The following ASAP2 variants were observed in gnomAD, a reference collection of about 807,000 sequenced individuals.
ASAP2 encodes the protein arf-GAP with SH3 domain, ANK repeat and PH domain-containing protein 2.
A neutral mutation model predicts 131.4 loss-of-function variants in ASAP2; 45 were observed. That is an observed-to-expected ratio of 0.34 (90% CI 0.27 to 0.44). ASAP2 has a LOEUF of 0.44. Among genes scored for constraint, ASAP2 ranks in the 20% least tolerant of loss-of-function variants. The pLI, the probability that ASAP2 is intolerant of heterozygous loss-of-function variation, is 1.00. For missense variants in ASAP2, 1,011 were observed against 1,297.0 expected (o/e 0.78, Z 3.39); for synonymous variants, 510 against 503.0 (o/e 1.01, Z -0.19).
chr2:9,388,540 G>A lies in ASAP2; in HGVS notation c.2377G>A (p.Gly793Ser). Residue 793 changes from glycine to serine, a missense_variant, in exon 22 of 28, where the codon GGC (glycine) becomes AGC (serine). This residue lies in a region of ASAP2 where 652 missense variants were observed against 698.9 expected (regional missense o/e 0.93). Coordinates refer to ENST00000281419, the MANE Select transcript of ASAP2 (RefSeq NM_003887.3). ...CCCCCCGCTTCCTCCACGGAATGTTGGCAAAGGTATGAAGCTGTCCGTCAT... is the reference window on the plus strand; with the variant it reads ...CCCCCCGCTTCCTCCACGGAATGTTAGCAAAGGTATGAAGCTGTCCGTCAT... ...SAPPLPPRNV[G>S]KVQTASSANT... 5.0e-6 allele frequency: 8 copies of A among 1,612,770 alleles called. No homozygotes were observed. Among genetic ancestry groups the A allele is most frequent in the Non-Finnish European group, 6.8e-6 (8 of 1,179,616 alleles).
chr2:9,326,635 A>G (rs1051116343), intron 6 of ASAP2, among the ~76,000 whole-genome samples: 2 of 152,206 alleles, frequency 1.3e-5, no homozygotes, highest in African/African-American at 4.8e-5. Flanking sequence ...ATATGTCCCT[A>G]TGTATACATT....
chr2:9,310,878 CTTTG>C (rs1226342568), intron 3 of ASAP2, among the ~76,000 whole-genome samples: 1 of 152,208 alleles, frequency 6.6e-6, no homozygotes, highest in Non-Finnish European at 1.5e-5. Flanking sequence ...TCTGGCCTAT[CTTTG>C]TTTGCTCATC....
intron 3 of ASAP2, among the ~76,000 whole-genome samples, chr2:9,317,455 T>G (rs895498999): frequency 5.7e-5 from 4 of 70,192 alleles, no homozygotes; most frequent in African/African-American, 2.1e-4. Context: ...CACACACACA[T>G]GTGCATTCAC....
intron 1 of ASAP2, among the ~76,000 whole-genome samples, chr2:9,237,955 A>G (rs1331934413): frequency 6.6e-6 from 1 of 152,182 alleles, no homozygotes; most frequent in East Asian, 1.9e-4. Context: ...GGTGAGTGGC[A>G]TTCTGTGTCT....
chr2:9,380,791 G>A lies in ASAP2; in HGVS notation c.1999G>A (p.Glu667Lys), dbSNP rs757615953. 5.6e-6 allele frequency: 9 copies of A among 1,614,062 alleles called. No individual in the cohort carries two copies. Among genetic ancestry groups the A allele is most frequent in the African/African-American group, 2.7e-5 (2 of 75,040 alleles). Residue 667 changes from glutamate to lysine, a missense_variant, in exon 20 of 28, where the codon GAG (glutamate) becomes AAG (lysine). This residue lies in a region of ASAP2 where 652 missense variants were observed against 698.9 expected (regional missense o/e 0.93). Coordinates refer to ENST00000281419, the MANE Select transcript of ASAP2 (RefSeq NM_003887.3). Reference protein sequence around the residue: ...PLDIAKRLKHEHCEELLTQAL... With the variant: ...PLDIAKRLKHKHCEELLTQAL... The stretch of plus-strand genomic sequence containing the variant: ...GGACATTGCCAAGCGCCTCAAGCAC[G>A]AGCACTGTGAGGAGCTGGTGAGTCT...
Position 9,232,210 on chromosome 2 carries a change from A to T in ASAP2, c.126+24980A>T, listed in dbSNP as rs1572210143. ...TTGACCTGGCCCCTGCCTCCCTCCCACCCCATCTCATCCATGCCTGTCCTC... is the reference window on the plus strand; with the variant it reads ...TTGACCTGGCCCCTGCCTCCCTCCCTCCCCATCTCATCCATGCCTGTCCTC... On this transcript the variant is annotated intron_variant, in intron 1 of 27. Coordinates refer to ENST00000281419, the MANE Select transcript of ASAP2 (RefSeq NM_003887.3). This position sits in a 1 kb window ranked among gnomAD's most constrained non-coding sequence, Gnocchi z 4.1. Among the ~76,000 whole-genome samples, 1 of 151,314 alleles carries T rather than the reference A, an allele frequency of 6.6e-6. No homozygotes were observed. The highest frequency in any genetic ancestry group is 2.1e-4 in the South Asian group (1 of 4,778).
Position 9,356,063 on chromosome 2 carries a change from C to T in ASAP2, c.1128C>T (p.His376=). 6.2e-7 allele frequency: 1 copy of T among 1,614,214 alleles called. No homozygotes were observed. Among genetic ancestry groups the T allele is most frequent in the Non-Finnish European group, 8.5e-7 (1 of 1,180,052 alleles). ...FDLISHDRTY[H]FQAEDEQECQ... ...GCTATGCAGATGACAGAACTTACCACTTTCAAGCTGAAGATGAACAGGAAT... is the reference window on the plus strand; with the variant it reads ...GCTATGCAGATGACAGAACTTACCATTTTCAAGCTGAAGATGAACAGGAAT... Residue 376 remains histidine (H), a synonymous_variant, in exon 13 of 28, where the codon CAC becomes CAT. Transcript: ENST00000281419.
chr2:9,275,216 C>T (rs1666683024), intron 1 of ASAP2, among the ~76,000 whole-genome samples: 1 of 151,972 alleles, frequency 6.6e-6, no homozygotes, highest in African/African-American at 2.4e-5. Flanking sequence ...ATTACAGGTG[C>T]ATGTTCCCAT....
chr2:9,256,374 G>A (rs1457269787), intron 1 of ASAP2, among the ~76,000 whole-genome samples: 1 of 150,598 alleles, frequency 6.6e-6, no homozygotes, highest in Non-Finnish European at 1.5e-5. Context: ...CAAAGCGGCA[G>A]TGTCAACTGT....
At chr2:9,367,027 A>ATTTTTTTTTTTTTTTTTTTTTTTTTT (rs1171661319) in intron 15 of ASAP2, among the ~76,000 whole-genome samples, 2 of 132,946 alleles carry the variant, frequency 1.5e-5, no homozygotes, top group African/African-American at 6.2e-5. Context: ...TGCCTGCATA[A>ATTTTTTTTTTTTTTTTTTTTTTTTTT]TTTTTTTTTT....
At chr2:9,328,559 A>G (rs962722088) in intron 7 of ASAP2, among the ~76,000 whole-genome samples, 2 of 152,240 alleles carry the variant, frequency 1.3e-5, no homozygotes, top group East Asian at 1.9e-4. Context: ...TGTGGAGCCA[A>G]TGACTGTGAT....
intron 3 of ASAP2, among the ~76,000 whole-genome samples, chr2:9,314,511 C>T (rs1374520011): frequency 6.6e-6 from 1 of 152,202 alleles, no homozygotes; most frequent in Non-Finnish European, 1.5e-5. Flanking sequence ...AGCCTCTATT[C>T]TAGGCCAAGC....
rs199852919 is a variant in ASAP2, at chr2:9,400,873, G to C, written c.2823+43G>C. On this transcript the variant is annotated intron_variant, in intron 26 of 27. Coordinates refer to ENST00000281419, the MANE Select transcript of ASAP2 (RefSeq NM_003887.3). ...TTTCCTGCCTCTCTGCTCTAGCCAGGGGGGTGCAGGTGGTTTCACAAGGGC... is the reference window on the plus strand; with the variant it reads ...TTTCCTGCCTCTCTGCTCTAGCCAGCGGGGTGCAGGTGGTTTCACAAGGGC... The C allele has an allele frequency of 3.9e-5, 62 of 1,579,290 alleles. No homozygotes were observed. The East Asian group carries it at 9.2e-4, about 23-fold the overall frequency.
intron 1 of ASAP2, among the ~76,000 whole-genome samples, chr2:9,262,917 T>G (rs1333316440): frequency 6.6e-6 from 1 of 152,216 alleles, no homozygotes; most frequent in Non-Finnish European, 1.5e-5. Context: ...TCCTCTCCCC[T>G]GTTTATTTGA....
intron 24 of ASAP2, among the ~76,000 whole-genome samples, chr2:9,396,099 G>C (rs1301757787): frequency 6.6e-6 from 1 of 152,060 alleles, no homozygotes; most frequent in Non-Finnish European, 1.5e-5. Context: ...CTCAGAGCTG[G>C]GGCGAGATTC....
chr2:9,397,563 C>G (rs1296558165), intron 24 of ASAP2, among the ~76,000 whole-genome samples: 3 of 151,590 alleles, frequency 2.0e-5, no homozygotes, highest in Non-Finnish European at 4.4e-5. Context: ...GTGATTTTGT[C>G]TCTGGGATAA....
intron 1 of ASAP2, among the ~76,000 whole-genome samples, chr2:9,241,738 C>T (rs1663985054): frequency 6.6e-6 from 1 of 152,194 alleles, no homozygotes; most frequent in Admixed American, 6.5e-5. Flanking sequence ...ATATTTTCAA[C>T]TCCTCCAACA....
chr2:9,327,589 CTTA>C (rs1031893651), intron 6 of ASAP2, among the ~76,000 whole-genome samples: 2 of 152,078 alleles, frequency 1.3e-5, no homozygotes, highest in Admixed American at 6.5e-5. Context: ...GATAGACTGT[CTTA>C]TTATTAGGAG....
intron 1 of ASAP2, among the ~76,000 whole-genome samples, chr2:9,263,624 C>A (rs1037970739): frequency 2.6e-5 from 4 of 152,230 alleles, no homozygotes; most frequent in Admixed American, 2.6e-4. Context: ...ACCGAAGCCT[C>A]CGAGGCACAG....
Sources: gnomAD v4.1 joint callset for allele counts (sites outside exome capture counted in the v4.1 genomes callset) on GRCh38, gnomAD v4.1.1 for gene constraint, gnomAD v4.1.1 regional missense constraint, Gnocchi (gnomAD v3.1) non-coding constraint, MANE v1.5 for transcripts, NCBI Gene and HGNC (gene_info 2026-07-23, HGNC 2026-07-21) for gene names.